The following ATOSA variants were observed in gnomAD, a reference collection of about 807,000 sequenced individuals.
The protein encoded by ATOSA is atos homolog A, also known as atos homolog protein A.
the ATOSA span, among the ~76,000 whole-genome samples, chr15:52,635,813 C>T: frequency 4.6e-5 from 7 of 151,922 alleles, no homozygotes; most frequent in East Asian, 3.9e-4. Context: ...CTGGCCAACA[C>T]GGTGAAACCC....
the ATOSA span, among the ~76,000 whole-genome samples, chr15:52,603,801 G>C: frequency 2.0e-5 from 3 of 152,148 alleles, no homozygotes. Flanking sequence ...GAAGATAAAG[G>C]GTATAAGGAT....
the ATOSA span, among the ~76,000 whole-genome samples, chr15:52,627,111 G>C: frequency 1.3e-5 from 2 of 152,072 alleles, no homozygotes; most frequent in Non-Finnish European, 2.9e-5. Flanking sequence ...CTCAATGTCA[G>C]CCATATTTGA....
At chr15:52,641,760 G>C in the ATOSA span, among the ~76,000 whole-genome samples, 2 of 152,162 alleles carry the variant, frequency 1.3e-5, no homozygotes, top group African/African-American at 2.4e-5. Context: ...GGTAAGAACA[G>C]AAACAACACA....
the ATOSA span, among the ~76,000 whole-genome samples, chr15:52,689,995 T>G: frequency 6.6e-6 from 1 of 152,228 alleles, no homozygotes; most frequent in Non-Finnish European, 1.5e-5. Flanking sequence ...CTGTGAAACT[T>G]GACTGTATAC....
the ATOSA span, among the ~76,000 whole-genome samples, chr15:52,620,171 T>A: frequency 3.6e-3 from 549 of 152,142 alleles, 1 homozygote; most frequent in African/African-American, 0.013. Flanking sequence ...ACAACTGGGG[T>A]GATCCGTAGA....
At chr15:52,589,473 T>A in the ATOSA span, among the ~76,000 whole-genome samples, 5 of 152,162 alleles carry the variant, frequency 3.3e-5, no homozygotes, top group Non-Finnish European at 5.9e-5. Flanking sequence ...TACTACCAAG[T>A]TTATACTTGT....
chr15:52,669,892 G>A, the ATOSA span, among the ~76,000 whole-genome samples: 1 of 152,142 alleles, frequency 6.6e-6, no homozygotes, highest in African/African-American at 2.4e-5. Context: ...ATCAATCCTA[G>A]GTAATACTCT....
chr15:52,685,976 C>T, the ATOSA span, among the ~76,000 whole-genome samples: 69 of 152,018 alleles, frequency 4.5e-4, 1 homozygote. Flanking sequence ...AGTGATCTTC[C>T]CACCTCAGCC....
At chr15:52,676,923 T>C in the ATOSA span, among the ~76,000 whole-genome samples, 13 of 152,236 alleles carry the variant, frequency 8.5e-5, no homozygotes, top group Non-Finnish European at 1.5e-4. Context: ...ACAAGGAACC[T>C]GCTCAGGAGC....
chr15:52,658,605 A>C, the ATOSA span: 1 of 396,444 alleles, frequency 2.5e-6, no homozygotes, highest in South Asian at 1.4e-4. Flanking sequence ...AAAACAAAAC[A>C]AACCATCAAA....
the ATOSA span, among the ~76,000 whole-genome samples, chr15:52,601,330 A>T: frequency 6.7e-6 from 1 of 148,804 alleles, no homozygotes; most frequent in Non-Finnish European, 1.5e-5. Flanking sequence ...TATTGTTCTT[A>T]TGTTATTTTA....
the ATOSA span, among the ~76,000 whole-genome samples, chr15:52,639,060 A>G: frequency 6.6e-6 from 1 of 150,882 alleles, no homozygotes; most frequent in African/African-American, 2.4e-5. Context: ...CAAAGCTCAG[A>G]TGAGTCTTTG....
At chr15:52,629,447 G>A in the ATOSA span, among the ~76,000 whole-genome samples, 1 of 151,472 alleles carries the variant, frequency 6.6e-6, no homozygotes, top group East Asian at 1.9e-4. Context: ...TATCCACCAT[G>A]AGAGTATCAT....
At chr15:52,660,172 A>AT in the ATOSA span, among the ~76,000 whole-genome samples, 2 of 152,202 alleles carry the variant, frequency 1.3e-5, no homozygotes, top group Non-Finnish European at 2.9e-5. Flanking sequence ...CAGGCGCTTA[A>AT]TTTTTTATCA....
chr15:52,660,060 T>A, the ATOSA span, among the ~76,000 whole-genome samples: 4 of 152,222 alleles, frequency 2.6e-5, no homozygotes, highest in Non-Finnish European at 2.9e-5. Flanking sequence ...ATATGTTAAA[T>A]TTTTTAAGCG....
the ATOSA span, chr15:52,651,762 C>A: frequency 2.8e-6 from 3 of 1,073,496 alleles, no homozygotes; most frequent in Non-Finnish European, 4.0e-6. Flanking sequence ...TTTCCTAGAC[C>A]TATTTATTAA....
At chr15:52,612,574 G>C in the ATOSA span, among the ~76,000 whole-genome samples, 2 of 145,034 alleles carry the variant, frequency 1.4e-5, no homozygotes, top group Admixed American at 1.4e-4. Flanking sequence ...GCACCATCTT[G>C]GCTCACTGCA....
At chr15:52,675,236 A>T in the ATOSA span, among the ~76,000 whole-genome samples, 1 of 152,194 alleles carries the variant, frequency 6.6e-6, no homozygotes, top group African/African-American at 2.4e-5. Context: ...GCTATACCAT[A>T]ACATCTTATT....
chr15:52,615,558 G>C, the ATOSA span, among the ~76,000 whole-genome samples: 1 of 152,216 alleles, frequency 6.6e-6, no homozygotes, highest in Non-Finnish European at 1.5e-5. Flanking sequence ...TGGGAAGAGA[G>C]AAGGTGCAAT....
Sources: allele counts gnomAD v4.1 joint callset (sites outside exome capture counted in the v4.1 genomes callset), GRCh38; gene constraint gnomAD v4.1.1; transcripts MANE v1.5; gene names NCBI Gene and HGNC (gene_info 2026-07-23, HGNC 2026-07-21).